TTBK2: variants seen among roughly 807,000 people sequenced by gnomAD.
The protein encoded by TTBK2 is tau-tubulin kinase 2.
Under a neutral mutation model 110.8 loss-of-function variants are expected in TTBK2, and 28 were observed. The observed-to-expected ratio is 0.25, with a 90% CI of 0.19 to 0.35. The LOEUF is 0.35. TTBK2 is among the 10% of genes least tolerant of loss of function. TTBK2 has a pLI of 1.00. For missense variants in TTBK2, 1,369 were observed against 1,500.3 expected (o/e 0.91, Z 1.45); for synonymous variants, 532 against 527.3 (o/e 1.01, Z -0.12).
Position 42,752,003 on chromosome 15 carries a change from C to T in TTBK2, c.3243G>A (p.Lys1081=). The part of the protein sequence containing the change: ...SQFFPRPPPG[K]PPTRPGVEAR... Reference sequence around the variant, plus strand: ...CTTCTACTCCAGGCCTCGTGGGTGGCTTTCCTGGTGGTGGCCGAGGAAAGA... The same window carrying T: ...CTTCTACTCCAGGCCTCGTGGGTGGTTTTCCTGGTGGTGGCCGAGGAAAGA... Residue 1081 remains lysine, a synonymous_variant, in exon 14 of 15, where the codon AAG becomes AAA. Transcript: ENST00000267890. 1.9e-6 allele frequency: 3 copies of T among 1,614,190 alleles called. No homozygotes were observed. Among genetic ancestry groups the T allele is most frequent in the Non-Finnish European group, 2.5e-6 (3 of 1,180,024 alleles).
intron 13 of TTBK2, among the ~76,000 whole-genome samples, chr15:42,771,901 T>C (rs1425006998): frequency 6.6e-6 from 1 of 152,104 alleles, no homozygotes; most frequent in Non-Finnish European, 1.5e-5. Flanking sequence ...TCATGGATTC[T>C]CCCTGTCCTG....
intron 1 of TTBK2, among the ~76,000 whole-genome samples, chr15:42,893,692 A>C (rs1895554629): frequency 6.6e-6 from 1 of 151,946 alleles, no homozygotes; most frequent in Non-Finnish European, 1.5e-5. Context: ...ATGAGACCAA[A>C]AGCCAGCTCT....
In TTBK2 at chr15:42,802,065, G is replaced by C. The variant is rs192556131; in HGVS notation, c.823-7264C>G. On this transcript the variant is annotated intron_variant, in intron 9 of 14. Transcript: ENST00000267890. ...GGCTCCACTTGGTCTCAAGCATCTT[G>C]TTCTGCTGCTCCAGGAACCGTACCT... 4.3e-4 allele frequency: 624 copies of C among 1,463,032 alleles called. 1 individual carries two copies. In the African/African-American group the frequency reaches 8.1e-3, roughly 19 times the overall value. 90.6% of individuals were successfully genotyped at this position (1,463,032 alleles called of 1,614,324 possible). A position where few individuals can be genotyped will look rare whatever the true frequency, so the allele number is the denominator to read the frequency against.
rs182678919 is a variant in TTBK2, at chr15:42,887,626, C to T, written c.-67-8942G>A. 2.1e-3 allele frequency among the ~76,000 whole-genome samples: 325 copies of T among 152,314 alleles called. 2 individuals are homozygous for T. Among genetic ancestry groups the T allele is most frequent in the African/African-American group, 7.4e-3 (307 of 41,558 alleles). On this transcript the variant is annotated intron_variant, in intron 1 of 14. Transcript: ENST00000267890. ...TAGTCCAGGATCTGCGCCTTATCAA[C>T]CAAATTGTTTTGCCTATCCACCCTG... is the stretch of plus-strand genomic sequence containing the variant.
intron 6 of TTBK2, among the ~76,000 whole-genome samples, chr15:42,825,035 C>T (rs1162017149): frequency 6.6e-6 from 1 of 151,984 alleles, no homozygotes; most frequent in East Asian, 1.9e-4. Context: ...TCACCTGAGC[C>T]CAGTAGTTTG....
intron 3 of TTBK2, among the ~76,000 whole-genome samples, chr15:42,843,387 A>G (rs1160874363): frequency 6.6e-6 from 1 of 152,220 alleles, no homozygotes; most frequent in Non-Finnish European, 1.5e-5. Flanking sequence ...TTAGGTATAA[A>G]TAATAACTAG....
At chr15:42,876,444 T>C (rs1169834866) in intron 2 of TTBK2, among the ~76,000 whole-genome samples, 2 of 152,140 alleles carry the variant, frequency 1.3e-5, no homozygotes, top group Non-Finnish European at 2.9e-5. Context: ...AAAGCAACAC[T>C]CATGTCTGAC....
intron 6 of TTBK2, among the ~76,000 whole-genome samples, chr15:42,822,950 T>C (rs1892366950): frequency 6.6e-6 from 1 of 152,084 alleles, no homozygotes; most frequent in African/African-American, 2.4e-5. Flanking sequence ...AGAGAATGAC[T>C]CTAGGAATGA....
chr15:42,768,164 T>A (rs544321590), intron 13 of TTBK2, among the ~76,000 whole-genome samples: 89 of 152,304 alleles, frequency 5.8e-4, no homozygotes, highest in Non-Finnish European at 1.0e-3. Flanking sequence ...TCATACTGAA[T>A]GGGCAAAAAC....
intron 9 of TTBK2, chr15:42,801,316 T>A (rs1403877468): frequency 6.2e-7 from 1 of 1,602,394 alleles, no homozygotes; most frequent in African/African-American, 1.3e-5. Context: ...TGCCGCGCCA[T>A]GTCTTGACTG....
intron 7 of TTBK2, among the ~76,000 whole-genome samples, chr15:42,813,217 T>A (rs955246122): frequency 2.6e-5 from 4 of 152,100 alleles, no homozygotes; most frequent in Admixed American, 6.6e-5. Context: ...ATACCAAAAG[T>A]ATTCAAATAA....
chr15:42,895,525 T>C (rs985628884), intron 1 of TTBK2, among the ~76,000 whole-genome samples: 7 of 151,928 alleles, frequency 4.6e-5, no homozygotes, highest in Admixed American at 4.6e-4. Flanking sequence ...AAATAGAATG[T>C]ATACATCAAA....
intron 9 of TTBK2, chr15:42,802,276 C>T (rs1264702332): frequency 5.0e-6 from 4 of 795,970 alleles, no homozygotes; most frequent in Non-Finnish European, 9.0e-6. Context: ...CCGGAAGCTG[C>T]TGCTGCCCAT....
At chr15:42,748,180 G>C (rs1268459280) in intron 14 of TTBK2, among the ~76,000 whole-genome samples, 1 of 152,122 alleles carries the variant, frequency 6.6e-6, no homozygotes, top group Non-Finnish European at 1.5e-5. Context: ...AATAACCCAG[G>C]GCACGGTGGC....
intron 9 of TTBK2, among the ~76,000 whole-genome samples, chr15:42,804,215 T>C (rs1012823798): frequency 1.3e-5 from 2 of 151,370 alleles, no homozygotes; most frequent in South Asian, 4.2e-4. Context: ...GAGACTGAGG[T>C]GGGCGGATCA....
chr15:42,900,647 G>A (rs1278466863), intron 1 of TTBK2, among the ~76,000 whole-genome samples: 4 of 152,014 alleles, frequency 2.6e-5, no homozygotes, highest in African/African-American at 4.8e-5. Context: ...GCTTGAACCC[G>A]GGAGGTGGAG....
rs1314083051 is a variant in TTBK2 at position 42,752,866 on chromosome 15, T to G, written c.2380A>C (p.Ser794Arg). 5 of 1,614,098 alleles carry G rather than the reference T, an allele frequency of 3.1e-6. No homozygotes were observed. Among genetic ancestry groups the G allele is most frequent in the Non-Finnish European group, 4.2e-6 (5 of 1,180,054 alleles). ...ATCTCAATACAATGCTGCCCTCTAC[T>G]TAACTTCTCATCTTCATTATCTGAC... Reference protein sequence around the residue: ...LESDNEDEKLSRGQHCIEISS... With the variant: ...LESDNEDEKLRRGQHCIEISS... The change falls in exon 14 of 15, where the codon AGT (serine) becomes CGT (arginine). Residue 794 changes from serine to arginine, a missense_variant. Physicochemically the swap from Ser to Arg is moderately radical, Grantham distance 110. This residue lies in a region of TTBK2 where 1,097 missense variants were observed against 1,114.7 expected (regional missense o/e 0.98). Transcript: ENST00000267890.
intron 9 of TTBK2, chr15:42,798,184 T>C (rs533529394): frequency 6.6e-6 from 3 of 455,886 alleles, no homozygotes; most frequent in African/African-American, 6.0e-5. Flanking sequence ...ATGCCCAGCC[T>C]CTCATTCTTT....
Position 42,777,019 on chromosome 15 carries a change from A to T in TTBK2, c.1409+12T>A. 6.2e-7 allele frequency: 1 copy of T among 1,612,740 alleles called. No individual in the cohort carries two copies. Among genetic ancestry groups the T allele is most frequent in the South Asian group, 1.1e-5 (1 of 90,982 alleles). On this transcript the variant is annotated intron_variant, in intron 12 of 14. Transcript: ENST00000267890. ...TTAGAAGCTTTAAAAAGAAAAATAC[A>T]CTATTTTATACCAGGTCTCAAGGAA...
Sources: gnomAD v4.1 joint callset for allele counts (sites outside exome capture counted in the v4.1 genomes callset) on GRCh38, gnomAD v4.1.1 for gene constraint, gnomAD v4.1.1 regional missense constraint, MANE v1.5 for transcripts, NCBI Gene and HGNC (gene_info 2026-07-23, HGNC 2026-07-21) for gene names.